Variants in TMEM178B observed in about 807,000 individuals in gnomAD.
The protein encoded by TMEM178B is transmembrane protein 178B.
TMEM178B carries 5 observed loss-of-function variants against 31.0 expected under a neutral mutation model. The observed-to-expected ratio is 0.16, with a 90% CI of 0.08 to 0.34. TMEM178B has a LOEUF of 0.34. TMEM178B is among the 10% of genes least tolerant of loss of function. The pLI is 1.00. For missense variants in TMEM178B, 275 were observed against 400.3 expected, an observed-to-expected ratio of 0.69 and a Z score of 2.67; for synonymous variants, 164 against 164.0, an observed-to-expected ratio of 1.00 and a Z score of 0.00.
At chr7:141,201,889 A>G (rs750686484) in intron 1 of TMEM178B, among the ~76,000 whole-genome samples, 2 of 152,218 alleles carry the variant, frequency 1.3e-5, no homozygotes, top group Non-Finnish European at 2.9e-5. Flanking sequence ...TATGTTTCCA[A>G]TATAAAACCT....
chr7:141,402,161 C>T (rs1447994600), intron 2 of TMEM178B, among the ~76,000 whole-genome samples: 6 of 152,176 alleles, frequency 3.9e-5, no homozygotes, highest in Non-Finnish European at 7.4e-5. Flanking sequence ...AAAAGGCACT[C>T]CAAGGAAGGG....
chr7:141,086,400 T>C (rs1398858527), intron 1 of TMEM178B, among the ~76,000 whole-genome samples: 1 of 152,254 alleles, frequency 6.6e-6, no homozygotes, highest in East Asian at 1.9e-4. Flanking sequence ...ATAACACATG[T>C]ATGTTAATAT....
chr7:141,440,080 A>T (rs1273229614), intron 3 of TMEM178B, among the ~76,000 whole-genome samples: 2 of 152,256 alleles, frequency 1.3e-5, no homozygotes, highest in African/African-American at 4.8e-5. Context: ...GCTATATCCC[A>T]CTTAACTGAG....
At position 141,478,238 on chromosome 7, in the gene TMEM178B, A is replaced by C. The variant is rs992255690; in HGVS notation, c.*7452A>C. On this transcript the variant is annotated 3_prime_UTR_variant, in exon 4 of 4. Transcript: ENST00000565468. ...AGCACCAGAAAATCCTCAGCAAGGC[A>C]GCAGAGAAGGATCCTCAAAGCAGTA... 1 of 152,696 alleles carries C rather than the reference A, an allele frequency of 6.5e-6. No individual in the cohort carries two copies. Among genetic ancestry groups the C allele is most frequent in the East Asian group, 1.9e-4 (1 of 5,200 alleles). The allele number at this position is 152,696 out of a possible 1,614,324, so 9.5% of individuals were successfully genotyped here.
chr7:141,204,672 G>C (rs7801999), intron 1 of TMEM178B, among the ~76,000 whole-genome samples: 98,098 of 152,082 alleles, frequency 0.65, 32,099 homozygotes, highest in Middle Eastern at 0.7. Flanking sequence ...TCGGAGAAGA[G>C]AGCAGCAGAT....
At chr7:141,170,678 T>G (rs1308020717) in intron 1 of TMEM178B, among the ~76,000 whole-genome samples, 1 of 152,158 alleles carries the variant, frequency 6.6e-6, no homozygotes, top group African/African-American at 2.4e-5. Flanking sequence ...TCCCACCAGC[T>G]GACAAGGACT....
intron 1 of TMEM178B, among the ~76,000 whole-genome samples, chr7:141,200,582 A>AGGC (rs1435076344): frequency 6.6e-6 from 1 of 152,122 alleles, no homozygotes; most frequent in African/African-American, 2.4e-5. Flanking sequence ...GCTGTCCAAA[A>AGGC]GGCTTATTAA....
intron 2 of TMEM178B, among the ~76,000 whole-genome samples, chr7:141,369,361 G>A (rs1179672109): frequency 2.0e-5 from 3 of 149,482 alleles, no homozygotes; most frequent in Non-Finnish European, 4.5e-5. Context: ...GTGTGTGTAT[G>A]TGTGTGTGTT....
intron 1 of TMEM178B, among the ~76,000 whole-genome samples, chr7:141,206,251 C>G (rs144576277): frequency 6.6e-6 from 1 of 152,262 alleles, no homozygotes; most frequent in East Asian, 1.9e-4. Context: ...TGATGCTTCC[C>G]CATGTCTCCC....
At chr7:141,372,662 T>G (rs1800140076) in intron 2 of TMEM178B, among the ~76,000 whole-genome samples, 1 of 152,224 alleles carries the variant, frequency 6.6e-6, no homozygotes, top group Non-Finnish European at 1.5e-5. Context: ...GCTGGAAGTG[T>G]CTATGTTCCC....
At chr7:141,097,392 A>T (rs1794980549) in intron 1 of TMEM178B, among the ~76,000 whole-genome samples, 1 of 151,490 alleles carries the variant, frequency 6.6e-6, no homozygotes, top group East Asian at 1.9e-4. Context: ...AAAAAAAGAC[A>T]AAATGTAAAC....
chr7:141,086,478 G>C (rs1347856657), intron 1 of TMEM178B, among the ~76,000 whole-genome samples: 1 of 152,204 alleles, frequency 6.6e-6, no homozygotes, highest in Non-Finnish European at 1.5e-5. Context: ...AAGGTAGGGT[G>C]CAGAATGAAA....
the TMEM178B span, among the ~76,000 whole-genome samples, chr7:141,506,802 C>A: frequency 6.6e-6 from 1 of 152,140 alleles, no homozygotes; most frequent in South Asian, 2.1e-4. Context: ...AAGTCCCTTC[C>A]GCCTATGAGC....
At chr7:141,211,639 T>C (rs1797054852) in intron 1 of TMEM178B, among the ~76,000 whole-genome samples, 1 of 152,136 alleles carries the variant, frequency 6.6e-6, no homozygotes, top group Non-Finnish European at 1.5e-5. Context: ...TCAATAGATA[T>C]GGCTGCAAGA....
intron 2 of TMEM178B, among the ~76,000 whole-genome samples, chr7:141,324,112 C>A (rs1032711060): frequency 1.3e-5 from 2 of 152,028 alleles, no homozygotes; most frequent in Admixed American, 6.6e-5. Flanking sequence ...ATGTAAGAAA[C>A]GTAGGGGGGA....
intron 3 of TMEM178B, among the ~76,000 whole-genome samples, chr7:141,465,530 C>T (rs967217679): frequency 2.6e-5 from 4 of 152,070 alleles, no homozygotes; most frequent in Non-Finnish European, 5.9e-5. Flanking sequence ...CCCCTCTGTA[C>T]GGGATTCAAT....
rs1042752895 is a variant in TMEM178B at position 141,318,462 on chromosome 7, G to A, written c.496+105758G>A. Among the ~76,000 whole-genome samples, 1 of 152,156 alleles carries A rather than the reference G, an allele frequency of 6.6e-6. No homozygotes were observed. Among genetic ancestry groups the A allele is most frequent in the African/African-American group, 2.4e-5 (1 of 41,442 alleles). Reference sequence around the variant, plus strand: ...AGGAAACTGTTCAAGTTTTTATTTAGCTTTCATTTCTTTGAATACGTGTTT... The same window carrying A: ...AGGAAACTGTTCAAGTTTTTATTTAACTTTCATTTCTTTGAATACGTGTTT... On this transcript the variant is annotated intron_variant, in intron 2 of 3. Coordinates refer to ENST00000565468, the MANE Select transcript of TMEM178B (RefSeq NM_001195278.2). The surrounding 1 kb of genome is among the most constrained non-coding windows in gnomAD (Gnocchi z 4.1).
chr7:141,088,018 A>G (rs1794815861), intron 1 of TMEM178B, among the ~76,000 whole-genome samples: 1 of 152,168 alleles, frequency 6.6e-6, no homozygotes, highest in African/African-American at 2.4e-5. Context: ...AGAGATGCCC[A>G]GATGCAGCCC....
At chr7:141,125,548 G>T (rs1795477670) in intron 1 of TMEM178B, among the ~76,000 whole-genome samples, 1 of 151,942 alleles carries the variant, frequency 6.6e-6, no homozygotes, top group South Asian at 2.1e-4. Context: ...GGGTGTGGTG[G>T]CACACGCCTG....
Sources: allele counts gnomAD v4.1 joint callset (sites outside exome capture counted in the v4.1 genomes callset), GRCh38; gene constraint gnomAD v4.1.1; non-coding constraint Gnocchi (gnomAD v3.1); transcripts MANE v1.5; gene names NCBI Gene and HGNC (gene_info 2026-07-23, HGNC 2026-07-21).